The following PHF21A variants were observed in gnomAD, a reference collection of about 807,000 sequenced individuals.
PHF21A encodes the protein BHC80a.
In PHF21A, 11 loss-of-function variants were observed where a neutral mutation model predicts 82.5. The ratio of observed to expected loss-of-function variants is 0.13; its 90% confidence interval spans 0.08 to 0.22. PHF21A has a LOEUF of 0.22. Among genes scored for constraint, PHF21A ranks in the 10% least tolerant of loss-of-function variants. The pLI is 1.00. For synonymous variants in PHF21A, 297 were observed against 302.8 expected (o/e 0.98, Z 0.20); for missense variants, 579 against 837.8 (o/e 0.69, Z 3.81).
chr11:45,938,641 T>C (rs2089678610), intron 15 of PHF21A, among the ~76,000 whole-genome samples: 1 of 152,172 alleles, frequency 6.6e-6, no homozygotes, highest in Non-Finnish European at 1.5e-5. Context: ...ATTTATAAAT[T>C]AGGCACAATA....
chr11:45,941,462 C>T (rs559429061), intron 15 of PHF21A, among the ~76,000 whole-genome samples: 1 of 152,126 alleles, frequency 6.6e-6, no homozygotes, highest in Non-Finnish European at 1.5e-5. Context: ...CTGGTAAACC[C>T]CACTGTTCGG....
chr11:46,091,066 A>G (rs2096918855), intron 2 of PHF21A, among the ~76,000 whole-genome samples: 1 of 152,166 alleles, frequency 6.6e-6, no homozygotes, highest in South Asian at 2.1e-4. Flanking sequence ...AAAGGTAGTA[A>G]ATGCAAGGAT....
chr11:46,076,209 T>A (rs564765094), intron 6 of PHF21A, among the ~76,000 whole-genome samples: 3 of 152,238 alleles, frequency 2.0e-5, no homozygotes, highest in African/African-American at 7.2e-5. Context: ...AAGATGTTCT[T>A]CTCCTGCCCT....
At chr11:46,037,072 T>G (rs1277387915) in intron 6 of PHF21A, among the ~76,000 whole-genome samples, 2 of 152,182 alleles carry the variant, frequency 1.3e-5, no homozygotes, top group African/African-American at 4.8e-5. Context: ...AATAATAATC[T>G]TTTTTCCCTT....
chr11:46,049,895 A>G (rs553857851), intron 6 of PHF21A, among the ~76,000 whole-genome samples: 1 of 152,366 alleles, frequency 6.6e-6, no homozygotes, highest in Admixed American at 6.5e-5. Flanking sequence ...AACAGAATCA[A>G]GAGATTAAGT....
intron 9 of PHF21A, among the ~76,000 whole-genome samples, chr11:45,968,150 GGTT>G (rs1356524950): frequency 3.9e-5 from 6 of 152,178 alleles, no homozygotes; most frequent in Non-Finnish European, 7.3e-5. Flanking sequence ...TCTCAACATT[GGTT>G]ATTACCATTA....
intron 7 of PHF21A, among the ~76,000 whole-genome samples, chr11:45,977,739 A>G (rs1193613389): frequency 6.6e-6 from 1 of 152,054 alleles, no homozygotes; most frequent in Non-Finnish European, 1.5e-5. Flanking sequence ...GTAAAAATTT[A>G]TGTAGGCTGT....
chr11:46,053,560 C>T (rs369093084), intron 6 of PHF21A, among the ~76,000 whole-genome samples: 20 of 152,014 alleles, frequency 1.3e-4, no homozygotes, highest in Admixed American at 4.6e-4. Context: ...TATACCATGA[C>T]TGGTAAAAAG....
chr11:46,043,083 C>T (rs896052133), intron 6 of PHF21A, among the ~76,000 whole-genome samples: 4 of 152,014 alleles, frequency 2.6e-5, no homozygotes, highest in Non-Finnish European at 5.9e-5. Flanking sequence ...ATAAAAGATA[C>T]CTGAAATTTT....
Position 46,099,556 on chromosome 11 carries a change from A to C in PHF21A, c.-236-7333T>G, listed in dbSNP as rs182020662. Reference sequence around the variant, plus strand: ...CACACACACACACACACACACACACACACACACCCTAAACACAAACACAAA... The same window carrying C: ...CACACACACACACACACACACACACCCACACACCCTAAACACAAACACAAA... On this transcript the variant is annotated intron_variant, in intron 1 of 18. Coordinates refer to ENST00000676320, the MANE Select transcript of PHF21A (RefSeq NM_001352027.3). Among the ~76,000 whole-genome samples the C allele has an allele frequency of 4.8e-5, 7 of 146,486 alleles. No homozygotes were observed. The East Asian group carries it at 8.4e-4, about 18-fold the overall frequency.
chr11:46,058,318 TA>T (rs2096488234), intron 6 of PHF21A, among the ~76,000 whole-genome samples: 1 of 152,212 alleles, frequency 6.6e-6, no homozygotes, highest in Admixed American at 6.5e-5. Flanking sequence ...ACACTAGGCT[TA>T]ACTGTGTCAC....
At position 45,973,571 on chromosome 11, in the gene PHF21A, T is replaced by G. The variant is rs1368534942; in HGVS notation, c.361-2204A>C. On this transcript the variant is annotated intron_variant, in intron 7 of 18. Transcript: ENST00000676320. ...CGGAACACTGATATTTATTTTGGGG[T>G]GCAGTGGATCACCTATCTTCGATCA... 2.6e-5 allele frequency among the ~76,000 whole-genome samples: 4 copies of G among 152,220 alleles called. No individual in the cohort carries two copies. In the East Asian group the frequency reaches 7.7e-4, roughly 29 times the overall value.
At chr11:46,031,212 T>G (rs1565632593) in intron 6 of PHF21A, among the ~76,000 whole-genome samples, 1 of 152,312 alleles carries the variant, frequency 6.6e-6, no homozygotes, top group African/African-American at 2.4e-5. Context: ...TCTGCAATAA[T>G]GTCCCTTCCA....
intron 6 of PHF21A, among the ~76,000 whole-genome samples, chr11:46,064,995 T>A (rs1324622294): frequency 6.6e-6 from 1 of 152,246 alleles, no homozygotes; most frequent in Non-Finnish European, 1.5e-5. Context: ...TATAACTTCA[T>A]GGTATTTCAG....
chr11:46,098,610 C>T (rs574777867), intron 1 of PHF21A, among the ~76,000 whole-genome samples: 24 of 152,220 alleles, frequency 1.6e-4, no homozygotes, highest in Admixed American at 1.0e-3. Context: ...ATGATCATAA[C>T]GAAAACTTCT....
chr11:46,045,728 G>A (rs778065609), intron 6 of PHF21A, among the ~76,000 whole-genome samples: 8 of 152,136 alleles, frequency 5.3e-5, no homozygotes, highest in Admixed American at 1.3e-4. Flanking sequence ...TCTAAAACAC[G>A]TAGGTTACTA....
At chr11:45,950,375 C>T (rs914889701) in intron 11 of PHF21A, 118 bp from the exon 12 acceptor site, 1 of 672,700 alleles carries the variant, frequency 1.5e-6, no homozygotes. Flanking sequence ...CATGAATGCA[C>T]AAGAGCAGGC....
At chr11:46,058,298 T>C (rs576944885) in intron 6 of PHF21A, among the ~76,000 whole-genome samples, 1 of 152,334 alleles carries the variant, frequency 6.6e-6, no homozygotes, top group East Asian at 1.9e-4. Flanking sequence ...ATTATAGATG[T>C]TTCCTTTTTA....
At chr11:46,004,060 G>C (rs1325571154) in intron 6 of PHF21A, among the ~76,000 whole-genome samples, 1 of 152,140 alleles carries the variant, frequency 6.6e-6, no homozygotes, top group Non-Finnish European at 1.5e-5. Flanking sequence ...CAAAATTACA[G>C]AGTTGGTTTT....
Sources: allele counts gnomAD v4.1 joint callset (sites outside exome capture counted in the v4.1 genomes callset), GRCh38; gene constraint gnomAD v4.1.1; transcripts MANE v1.5; gene names NCBI Gene and HGNC (gene_info 2026-07-23, HGNC 2026-07-21).